The following GRIN2B variants were observed in gnomAD, a reference collection of about 807,000 sequenced individuals.
GRIN2B encodes glutamate receptor ionotropic, NMDA 2B.
In GRIN2B, 5 loss-of-function variants were observed where a neutral mutation model predicts 114.5. That is an observed-to-expected ratio of 0.04 (90% CI 0.02 to 0.09). The LOEUF (loss-of-function observed/expected upper bound fraction) is 0.09. Among genes scored for constraint, GRIN2B ranks in the 10% least tolerant of loss-of-function variants. The pLI, the probability that GRIN2B is intolerant of heterozygous loss-of-function variation, is 1.00. For synonymous variants in GRIN2B, 787 were observed against 745.1 expected, an observed-to-expected ratio of 1.06 and a Z score of -0.92; for missense variants, 1,108 against 1,943.5, an observed-to-expected ratio of 0.57 and a Z score of 8.08.
At chr12:13,879,129 A>G (rs1045030751) in intron 2 of GRIN2B, among the ~76,000 whole-genome samples, 1 of 144,858 alleles carries the variant, frequency 6.9e-6, no homozygotes, top group Non-Finnish European at 1.6e-5. Context: ...TTAATGACAG[A>G]GCTATGTCCT....
rs1317074300 is a variant in GRIN2B at position 13,552,864 on chromosome 12, C to T, written c.*9919G>A. 1 of 152,108 alleles carries T rather than the reference C, an allele frequency of 6.6e-6. No homozygotes were observed. Among genetic ancestry groups the T allele is most frequent in the Admixed American group, 6.5e-5 (1 of 15,274 alleles). The allele number at this position is 152,108 out of a possible 1,614,324, so 9.4% of individuals were successfully genotyped here. A position where few individuals can be genotyped will look rare whatever the true frequency, so the allele number is the denominator to read the frequency against. On this transcript the variant is annotated 3_prime_UTR_variant, in exon 14 of 14. Transcript: ENST00000609686. ...CCTTGCCAATAATAATTGTCCTACCCACTCCTGTCTCAATGAAGAGTGGAC... is the reference window on the plus strand; with the variant it reads ...CCTTGCCAATAATAATTGTCCTACCTACTCCTGTCTCAATGAAGAGTGGAC...
chr12:13,715,946 C>T (rs1340793505), intron 4 of GRIN2B, among the ~76,000 whole-genome samples: 1 of 151,776 alleles, frequency 6.6e-6, no homozygotes, highest in Non-Finnish European at 1.5e-5. Context: ...ATGTTTCTTC[C>T]AGCATTTGCT....
intron 2 of GRIN2B, among the ~76,000 whole-genome samples, chr12:13,931,507 T>A (rs1867030394): frequency 6.6e-6 from 1 of 152,150 alleles, no homozygotes; most frequent in African/African-American, 2.4e-5. Flanking sequence ...TACCTGACAT[T>A]TTTTCCATCT....
intron 2 of GRIN2B, among the ~76,000 whole-genome samples, chr12:13,910,012 C>T (rs1039833752): frequency 2.0e-5 from 3 of 152,124 alleles, no homozygotes; most frequent in Non-Finnish European, 4.4e-5. Flanking sequence ...GCAGAAGCCA[C>T]TTAGATATTT....
At chr12:13,705,479 C>T (rs1460194163) in intron 4 of GRIN2B, among the ~76,000 whole-genome samples, 2 of 152,086 alleles carry the variant, frequency 1.3e-5, no homozygotes, top group Non-Finnish European at 1.5e-5. Flanking sequence ...AGGAGGCACA[C>T]AAATATACGT....
rs111950888 is a variant in GRIN2B at position 13,682,184 on chromosome 12, G to T, written c.1011-6325C>A. Among the ~76,000 whole-genome samples, 748 of 152,232 alleles carry T rather than the reference G, an allele frequency of 4.9e-3. 11 individuals carry two copies. Among genetic ancestry groups the T allele is most frequent in the African/African-American group, 0.017 (694 of 41,552 alleles). Reference sequence around the variant, plus strand: ...CAAAATGATTAATCCAGTTTAGCGTGGTCAACATGGCAGGCAAGATTATTA... The same window carrying T: ...CAAAATGATTAATCCAGTTTAGCGTTGTCAACATGGCAGGCAAGATTATTA... On this transcript the variant is annotated intron_variant, in intron 4 of 13. Coordinates refer to ENST00000609686, the MANE Select transcript of GRIN2B (RefSeq NM_000834.5).
chr12:13,694,747 T>C (rs896040762), intron 4 of GRIN2B, among the ~76,000 whole-genome samples: 1 of 146,018 alleles, frequency 6.8e-6, no homozygotes, highest in Non-Finnish European at 1.5e-5. Context: ...TTCTCCTCTA[T>C]TTTAATCCTC....
At chr12:13,922,995 G>A (rs1565588069) in intron 2 of GRIN2B, among the ~76,000 whole-genome samples, 1 of 151,526 alleles carries the variant, frequency 6.6e-6, no homozygotes, top group African/African-American at 2.4e-5. Context: ...TATCTCTGAG[G>A]AAAAAAAATA....
At chr12:13,638,450 A>G (rs1001876041) in intron 5 of GRIN2B, among the ~76,000 whole-genome samples, 2 of 152,122 alleles carry the variant, frequency 1.3e-5, no homozygotes, top group African/African-American at 2.4e-5. Flanking sequence ...ATGCAAACAG[A>G]AGGGGGTTAT....
intron 3 of GRIN2B, among the ~76,000 whole-genome samples, chr12:13,825,826 C>G (rs1283287364): frequency 6.6e-6 from 1 of 151,860 alleles, no homozygotes; most frequent in Non-Finnish European, 1.5e-5. Context: ...CAATTAATCT[C>G]TTTTAACCTA....
At chr12:13,696,920 T>A (rs1950265026) in intron 4 of GRIN2B, among the ~76,000 whole-genome samples, 1 of 152,156 alleles carries the variant, frequency 6.6e-6, no homozygotes, top group Non-Finnish European at 1.5e-5. Context: ...CAGAACTTAA[T>A]AATGCTTTAG....
chr12:13,735,726 A>T (rs1863164708), intron 4 of GRIN2B, among the ~76,000 whole-genome samples: 5 of 152,132 alleles, frequency 3.3e-5, no homozygotes, highest in Admixed American at 3.3e-4. Context: ...TATTTCTGAA[A>T]TCCCTCCTTC....
At chr12:13,639,701 A>G (rs1163726647) in intron 5 of GRIN2B, among the ~76,000 whole-genome samples, 1 of 152,126 alleles carries the variant, frequency 6.6e-6, no homozygotes, top group African/African-American at 2.4e-5. Flanking sequence ...AGCATACTGC[A>G]TCCTCTGCTG....
chr12:13,834,401 C>T (rs1172602786), intron 3 of GRIN2B, among the ~76,000 whole-genome samples: 1 of 151,950 alleles, frequency 6.6e-6, no homozygotes, highest in Non-Finnish European at 1.5e-5. Flanking sequence ...AGCTTTAGCT[C>T]AAGCTCCAGC....
At chr12:13,606,476 C>T (rs575472639) in intron 10 of GRIN2B, among the ~76,000 whole-genome samples, 38 of 152,268 alleles carry the variant, frequency 2.5e-4, no homozygotes, top group African/African-American at 7.7e-4. Flanking sequence ...CCAAGGGAGC[C>T]ACTAATCTGT....
intron 5 of GRIN2B, among the ~76,000 whole-genome samples, chr12:13,665,189 G>A (rs1565493188): frequency 7.3e-6 from 1 of 137,686 alleles, no homozygotes. Context: ...GTGTGTGTGT[G>A]TGATAACAGG....
chr12:13,958,072 T>C (rs919742011), intron 2 of GRIN2B, among the ~76,000 whole-genome samples: 1 of 152,198 alleles, frequency 6.6e-6, no homozygotes, highest in African/African-American at 2.4e-5. Context: ...AAAGTTTTAT[T>C]GGACAGCGCT....
At chr12:13,673,077 C>A (rs1156733030) in intron 5 of GRIN2B, among the ~76,000 whole-genome samples, 1 of 152,122 alleles carries the variant, frequency 6.6e-6, no homozygotes, top group African/African-American at 2.4e-5. Flanking sequence ...ACAACTCTAA[C>A]AAGAGGCAGA....
chr12:13,742,092 T>A (rs1863297527), intron 4 of GRIN2B, among the ~76,000 whole-genome samples: 1 of 152,196 alleles, frequency 6.6e-6, no homozygotes, highest in African/African-American at 2.4e-5. Flanking sequence ...CCTAAGATAA[T>A]CGATATAATT....
Sources: allele counts gnomAD v4.1 joint callset (sites outside exome capture counted in the v4.1 genomes callset), GRCh38; gene constraint gnomAD v4.1.1; transcripts MANE v1.5; gene names NCBI Gene and HGNC (gene_info 2026-07-23, HGNC 2026-07-21).